The following MTA3 variants were observed in gnomAD, a reference collection of about 807,000 sequenced individuals.
The protein encoded by MTA3 is metastasis-associated protein MTA3.
Under a neutral mutation model 83.5 loss-of-function variants are expected in MTA3, and 34 were observed. The ratio of observed to expected loss-of-function variants is 0.41; its 90% CI spans 0.31 to 0.54. The LOEUF (loss-of-function observed/expected upper bound fraction) is 0.54, where lower values mean the gene tolerates loss of function less well. Ranked by LOEUF, MTA3 falls within the 20% of genes least tolerant of loss-of-function variation. The probability of loss-of-function intolerance (pLI) is 0.33; values close to 1 mark genes in which losing one functional copy is unlikely to be tolerated. For synonymous variants in MTA3, 303 were observed against 252.7 expected, an observed-to-expected ratio of 1.20 and a Z score of -1.89; for missense variants, 761 against 726.4, an observed-to-expected ratio of 1.05 and a Z score of -0.55.
chr2:42,604,973 A>G (rs1683066191), intron 3 of MTA3, among the ~76,000 whole-genome samples: 1 of 150,114 alleles, frequency 6.7e-6, no homozygotes, highest in South Asian at 2.1e-4. Context: ...AAAGTCTCCC[A>G]TGTCTACTTC....
intron 9 of MTA3, among the ~76,000 whole-genome samples, chr2:42,687,345 A>G (rs1692474584): frequency 6.6e-6 from 1 of 152,224 alleles, no homozygotes; most frequent in Non-Finnish European, 1.5e-5. Flanking sequence ...TTTACTTAAC[A>G]TAATGCATCT....
rs1042688339 is a variant in MTA3 at position 42,755,486 on chromosome 2, C to T, written c.*2087C>T. 5.1e-6 allele frequency: 5 copies of T among 985,388 alleles called. No homozygotes were observed. The highest frequency in any genetic ancestry group is 6.0e-6 in the Non-Finnish European group (5 of 829,984). 61.0% of individuals were successfully genotyped at this position (985,388 alleles called of 1,614,324 possible). A position where few individuals can be genotyped will look rare whatever the true frequency, so the allele number is the denominator to read the frequency against. On this transcript the variant is annotated 3_prime_UTR_variant, in exon 17 of 17. Transcript: ENST00000405094. ...GGAAAAGCGCAGCTTGTTCGAGCCACGTGTGCCAAGCAGGCTTTTCCTTCC... is the reference window on the plus strand; with the variant it reads ...GGAAAAGCGCAGCTTGTTCGAGCCATGTGTGCCAAGCAGGCTTTTCCTTCC...
intron 3 of MTA3, among the ~76,000 whole-genome samples, chr2:42,582,066 C>G (rs953757813): frequency 6.7e-6 from 1 of 149,096 alleles, no homozygotes; most frequent in Non-Finnish European, 1.5e-5. Context: ...GATATTTTAT[C>G]TTTTTTTTTG....
chr2:42,649,590 G>T (rs1688523587), intron 6 of MTA3, among the ~76,000 whole-genome samples: 1 of 152,176 alleles, frequency 6.6e-6, no homozygotes, highest in Non-Finnish European at 1.5e-5. Flanking sequence ...GCTTTCCCCA[G>T]CAATAAGGGA....
intron 5 of MTA3, among the ~76,000 whole-genome samples, chr2:42,641,068 G>A (rs1028970984): frequency 6.6e-6 from 1 of 151,912 alleles, no homozygotes; most frequent in African/African-American, 2.4e-5. Context: ...CACCATACCC[G>A]GCTAATTTTT....
intron 9 of MTA3, among the ~76,000 whole-genome samples, chr2:42,693,866 T>C (rs1693134774): frequency 1.3e-5 from 2 of 152,154 alleles, no homozygotes; most frequent in Admixed American, 1.3e-4. Context: ...GGGAATGTGC[T>C]GGGTCACACT....
intron 2 of MTA3, among the ~76,000 whole-genome samples, chr2:42,555,629 G>A (rs183819146): frequency 6.7e-6 from 1 of 150,048 alleles, no homozygotes; most frequent in East Asian, 2.0e-4. Context: ...TTAGCCAGGT[G>A]TGGTGGCAGG....
At chr2:42,523,725 C>A (rs973264199) in intron 2 of MTA3, among the ~76,000 whole-genome samples, 1 of 152,160 alleles carries the variant, frequency 6.6e-6, no homozygotes, top group African/African-American at 2.4e-5. Context: ...CCAGTTTGGG[C>A]AATGTGGCGA....
chr2:42,532,247 A>G (rs1406960456), intron 2 of MTA3, among the ~76,000 whole-genome samples: 1 of 152,270 alleles, frequency 6.6e-6, no homozygotes, highest in African/African-American at 2.4e-5. Context: ...GCAGTGGCTC[A>G]TACCTGTAAT....
intron 10 of MTA3, among the ~76,000 whole-genome samples, chr2:42,696,228 T>C (rs1297531571): frequency 2.0e-5 from 3 of 152,202 alleles, no homozygotes; most frequent in African/African-American, 7.2e-5. Flanking sequence ...TGATATGTTT[T>C]TAAAGATCTT....
chr2:42,651,035 A>G (rs1014988150), intron 6 of MTA3, among the ~76,000 whole-genome samples: 1 of 152,220 alleles, frequency 6.6e-6, no homozygotes, highest in Non-Finnish European at 1.5e-5. Context: ...GGTATAGTCT[A>G]TTGCTCCCAG....
intron 3 of MTA3, among the ~76,000 whole-genome samples, 179 bp downstream of exon 3, chr2:42,579,379 GTATATGTGTA>G (rs1451492213): frequency 6.7e-6 from 1 of 148,834 alleles, no homozygotes; most frequent in Non-Finnish European, 1.5e-5. Flanking sequence ...TGGTTTCAGT[GTATATGTGTA>G]TATATGTGTG....
intron 4 of MTA3, among the ~76,000 whole-genome samples, chr2:42,620,810 C>T (rs1342135575): frequency 6.6e-6 from 1 of 152,222 alleles, no homozygotes; most frequent in Non-Finnish European, 1.5e-5. Flanking sequence ...CTCGAGAAAA[C>T]ATGGGATTGT....
Position 42,656,301 on chromosome 2 carries a change from C to A in MTA3, c.601C>A (p.Arg201Ser). 6.2e-7 allele frequency: 1 copy of A among 1,604,146 alleles called. No individual in the cohort carries two copies. Among genetic ancestry groups the A allele is most frequent in the Non-Finnish European group, 8.5e-7 (1 of 1,171,344 alleles). The change falls in exon 7 of 17, where the codon CGT (arginine) becomes AGT (serine). Residue 201 changes from arginine (R) to serine (S), a missense_variant and splice_region_variant. Physicochemically the swap from Arg to Ser is moderately radical, Grantham distance 110 (BLOSUM62 -1). Coordinates refer to ENST00000405094, the MANE Select transcript of MTA3 (RefSeq NM_001330442.2). ...GATTGACCAGTTTTTAGTTGTAGCA[C>A]GGTGAGTATGAGTATGGCATTATTG... Reference protein sequence around the residue: ...RQIDQFLVVARAVGTFARALD... With the variant: ...RQIDQFLVVASAVGTFARALD...
At position 42,755,504 on chromosome 2, in the gene MTA3, T is replaced by C; in HGVS notation, c.*2105T>C. 2.0e-6 allele frequency: 2 copies of C among 985,494 alleles called. No individual in the cohort carries two copies. Among genetic ancestry groups the C allele is most frequent in the Non-Finnish European group, 2.4e-6 (2 of 829,964 alleles). 61.0% of individuals were successfully genotyped at this position (985,494 alleles called of 1,614,324 possible). A position where few individuals can be genotyped will look rare whatever the true frequency, so the allele number is the denominator to read the frequency against. On this transcript the variant is annotated 3_prime_UTR_variant, in exon 17 of 17. Coordinates refer to ENST00000405094, the MANE Select transcript of MTA3 (RefSeq NM_001330442.2). ...CGAGCCACGTGTGCCAAGCAGGCTT[T>C]TCCTTCCTCTTGTAAGTAAAGCTCG...
intron 3 of MTA3, among the ~76,000 whole-genome samples, chr2:42,606,206 C>A (rs1214176501): frequency 7.1e-6 from 1 of 140,126 alleles, no homozygotes; most frequent in Non-Finnish European, 1.6e-5. Context: ...CTGACCCCCC[C>A]CCACCTCCCT....
At chr2:42,700,996 G>T (rs1032068504) in intron 11 of MTA3, among the ~76,000 whole-genome samples, 21 of 152,266 alleles carry the variant, frequency 1.4e-4, no homozygotes, top group African/African-American at 5.1e-4. Context: ...TACTTGGGAG[G>T]CTGAGGTAGG....
intron 8 of MTA3, among the ~76,000 whole-genome samples, chr2:42,673,729 T>C (rs1356384880): frequency 6.6e-6 from 1 of 152,198 alleles, no homozygotes; most frequent in African/African-American, 2.4e-5. Flanking sequence ...CCAGCTGATT[T>C]GTGGCATCCC....
At chr2:42,675,836 A>G (rs923576327) in intron 8 of MTA3, among the ~76,000 whole-genome samples, 1 of 152,178 alleles carries the variant, frequency 6.6e-6, no homozygotes, top group Non-Finnish European at 1.5e-5. Flanking sequence ...AAAGCTCTTA[A>G]GGGTAAGATT....
Sources: allele counts gnomAD v4.1 joint callset (sites outside exome capture counted in the v4.1 genomes callset), GRCh38; gene constraint gnomAD v4.1.1; transcripts MANE v1.5; gene names NCBI Gene and HGNC (gene_info 2026-07-23, HGNC 2026-07-21).